Variants in ZNF560 observed in about 807,000 individuals in gnomAD.
ZNF560 encodes zinc finger protein 560.
A neutral mutation model predicts 81.8 loss-of-function variants in ZNF560; 54 were observed. The observed-to-expected ratio is 0.66, with a 90% CI of 0.53 to 0.83. The LOEUF is 0.83. Ranked by LOEUF, ZNF560 falls within the 40% of genes least tolerant of loss-of-function variation. The pLI is 0.00. For missense variants in ZNF560, 940 were observed against 932.4 expected, an observed-to-expected ratio of 1.01 and a Z score of -0.11; for synonymous variants, 321 against 317.9, an observed-to-expected ratio of 1.01 and a Z score of -0.10.
chr19:9,493,661 T>G (rs552622831), intron 2 of ZNF560, among the ~76,000 whole-genome samples: 2 of 152,006 alleles, frequency 1.3e-5, no homozygotes, highest in Admixed American at 6.6e-5. Context: ...CAGCCCCAGG[T>G]TTTCTCTTTG....
At chr19:9,502,505 C>T (rs939281573), upstream of ZNF560, among the ~76,000 whole-genome samples, 5 of 152,112 alleles carry the variant, frequency 3.3e-5, no homozygotes, top group Admixed American at 6.5e-5. Flanking sequence ...CCACAACACC[C>T]GGCCTCCTGT....
At position 9,467,918 on chromosome 19, in the gene ZNF560, A is replaced by C. The variant is rs533646475; in HGVS notation, c.1029T>G (p.Ile343Met). 1.2e-6 allele frequency: 2 copies of C among 1,614,162 alleles called. No homozygotes were observed. Among genetic ancestry groups the C allele is most frequent in the Admixed American group, 3.3e-5 (2 of 60,020 alleles). Residue 343 changes from isoleucine (I) to methionine (M), a missense_variant, in exon 10 of 10, where the codon ATT becomes ATG. Physicochemically the swap from Ile to Met is conservative, Grantham distance 10. Coordinates refer to ENST00000301480, the MANE Select transcript of ZNF560 (RefSeq NM_152476.3). ...TSHAVNVETH[I>M]IKNPYECKEC... ...CCTTACATTCATAGGGGTTTTTAAT[A>C]ATGTGTGTTTCAACATTTACAGCAT...
chr19:9,504,409 TG>T, the ZNF560 span, among the ~76,000 whole-genome samples: 2 of 152,058 alleles, frequency 1.3e-5, no homozygotes. Context: ...CCCTCCAGCC[TG>T]GGCAACAGAA....
upstream of ZNF560, among the ~76,000 whole-genome samples, chr19:9,501,073 T>C (rs1226294313): frequency 6.6e-6 from 1 of 152,098 alleles, no homozygotes; most frequent in South Asian, 2.1e-4. Context: ...TTTAATGTGC[T>C]GTTGGATATG....
In ZNF560 at chr19:9,467,628, G is replaced by A. The variant is rs1396171018; in HGVS notation, c.1319C>T (p.Ala440Val). Residue 440 changes from alanine to valine, a missense_variant, in exon 10 of 10, where the codon GCC (alanine) becomes GTC (valine). Transcript: ENST00000301480. The stretch of plus-strand genomic sequence containing the variant: ...AAAAAGAGATGGGTAAGAAATAAAG[G>A]CTTTCCCACAGTGGTCACATTTAAA... Reference protein sequence around the residue: ...KTFKCDHCGKAFISYPSLFGH... With the variant: ...KTFKCDHCGKVFISYPSLFGH... The A allele has an allele frequency of 1.2e-6, 2 of 1,614,062 alleles. No individual in the cohort carries two copies. The highest frequency in any genetic ancestry group is 2.2e-5 in the East Asian group (1 of 44,882).
intron 2 of ZNF560, among the ~76,000 whole-genome samples, chr19:9,481,638 G>A (rs977296798): frequency 7.2e-5 from 11 of 152,176 alleles, no homozygotes; most frequent in African/African-American, 2.7e-4. Flanking sequence ...CTTTTCAAAA[G>A]AAGATATGTA....
At chr19:9,496,054 A>G (rs995117223) in intron 2 of ZNF560, among the ~76,000 whole-genome samples, 3 of 152,236 alleles carry the variant, frequency 2.0e-5, no homozygotes, top group Non-Finnish European at 2.9e-5. Flanking sequence ...CCTCTGACCT[A>G]AAGTCCAATA....
Position 9,469,661 on chromosome 19 carries a change from T to C in ZNF560, c.498A>G (p.Glu166=). Residue 166 remains glutamate, a synonymous_variant, in exon 8 of 10, where the codon GAA becomes GAG. Coordinates refer to ENST00000301480, the MANE Select transcript of ZNF560 (RefSeq NM_152476.3). ...GAACTCTTGGCAGTGTGCTCAACTC[T>C]TCCTCTTCCTCCAGCCAAGAGATCA... is the stretch of plus-strand genomic sequence containing the variant. ...PSLISWLEEE[E]ELSTLPRVLQ... 1.9e-6 allele frequency: 3 copies of C among 1,614,116 alleles called. No individual in the cohort carries two copies. Among genetic ancestry groups the C allele is most frequent in the Middle Eastern group, 1.6e-4 (1 of 6,062 alleles).
Position 9,467,455 on chromosome 19 carries a change from CAAAG to C in ZNF560, c.1488_1491del (p.Val498LeufsTer9). 6.2e-7 allele frequency: 1 copy of C among 1,613,896 alleles called. No homozygotes were observed. The highest frequency in any genetic ancestry group is 8.5e-7 in the Non-Finnish European group (1 of 1,179,944). On this transcript the variant is annotated frameshift_variant, in exon 10 of 10. Transcript: ENST00000301480. LOFTEE classifies it high-confidence loss of function. The stretch of plus-strand genomic sequence containing the variant: ...TGAGCAAAAAGAGATGAGAAAGAAA[CAAAG>C]ACTTTCCCACACTGGTCACAATCAA...
the ZNF560 span, among the ~76,000 whole-genome samples, chr19:9,453,002 A>C: frequency 1.1e-4 from 16 of 152,228 alleles, no homozygotes; most frequent in African/African-American, 3.9e-4. Context: ...TCTTCCCCGC[A>C]CAATGTTCAT....
At position 9,467,236 on chromosome 19, in the gene ZNF560, G is replaced by C; in HGVS notation, c.1711C>G (p.Pro571Ala). 2 of 1,614,014 alleles carry C rather than the reference G, an allele frequency of 1.2e-6. No homozygotes were observed. The highest frequency in any genetic ancestry group is 1.7e-6 in the Non-Finnish European group (2 of 1,180,002). The change falls in exon 10 of 10, where the codon CCC becomes GCC. Residue 571 changes from proline (P) to alanine (A), a missense_variant. Coordinates refer to ENST00000301480, the MANE Select transcript of ZNF560 (RefSeq NM_152476.3). Reference protein sequence around the residue: ...KHLRTHAGEKPYECMKCGKAF... With the variant: ...KHLRTHAGEKAYECMKCGKAF... ...TTCCCACATTTCATACATTCATAGG[G>C]TTTCTCTCCAGCGTGTGTTCGTAAA...
the ZNF560 span, among the ~76,000 whole-genome samples, chr19:9,456,423 G>T: frequency 6.6e-6 from 1 of 152,160 alleles, no homozygotes; most frequent in Non-Finnish European, 1.5e-5. Context: ...AGCGTATAGG[G>T]CAGCTTCTGA....
At chr19:9,459,516 A>G in the ZNF560 span, among the ~76,000 whole-genome samples, 1,132 of 152,276 alleles carry the variant, frequency 7.4e-3, 9 homozygotes, top group Non-Finnish European at 0.01. Context: ...ACACTAGGCC[A>G]TGGGGGCTAC....
rs767301877 is a variant in ZNF560 at position 9,466,877 on chromosome 19, T to C, written c.2070A>G (p.Gly690=). The C allele has an allele frequency of 2.5e-6, 4 of 1,613,970 alleles. No homozygotes were observed. The highest frequency in any genetic ancestry group is 3.4e-6 in the Non-Finnish European group (4 of 1,180,040). Residue 690 remains glycine, a synonymous_variant, in exon 10 of 10, where the codon GGA becomes GGG. Coordinates refer to ENST00000301480, the MANE Select transcript of ZNF560 (RefSeq NM_152476.3). ...AEKTSECNAC[G]NSFRNSMCFH... is the part of the protein sequence containing the mutation. Reference sequence around the variant, plus strand: ...AGCACATGGAATTTCGAAAGGAATTTCCACATGCGTTACATTCAGAGGTCT... The same window carrying C: ...AGCACATGGAATTTCGAAAGGAATTCCCACATGCGTTACATTCAGAGGTCT...
At chr19:9,474,608 A>G (rs2073171381) in intron 3 of ZNF560, among the ~76,000 whole-genome samples, 1 of 152,076 alleles carries the variant, frequency 6.6e-6, no homozygotes, top group African/African-American at 2.4e-5. Context: ...CCTCTACTAA[A>G]AGATATCCCA....
chr19:9,464,156 T>C (rs1352341995), downstream of ZNF560, among the ~76,000 whole-genome samples: 1 of 152,192 alleles, frequency 6.6e-6, no homozygotes. Context: ...CTTGTGCGTG[T>C]GTGTGTATTC....
intron 2 of ZNF560, among the ~76,000 whole-genome samples, chr19:9,478,666 G>A (rs146824477): frequency 6.6e-6 from 1 of 152,082 alleles, no homozygotes; most frequent in Non-Finnish European, 1.5e-5. Context: ...TTGAGTTAAA[G>A]TATAGTTATT....
chr19:9,472,214 T>C (rs2073133765), intron 5 of ZNF560, among the ~76,000 whole-genome samples: 1 of 152,080 alleles, frequency 6.6e-6, no homozygotes, highest in Non-Finnish European at 1.5e-5. Flanking sequence ...AGGTGGGGCC[T>C]GGTGGGAGAT....
intron 3 of ZNF560, among the ~76,000 whole-genome samples, chr19:9,474,961 C>T (rs1210695087): frequency 1.3e-5 from 2 of 151,676 alleles, no homozygotes; most frequent in East Asian, 3.9e-4. Flanking sequence ...GTGTGAGCCA[C>T]TGCACCTGGC....
Sources: gnomAD v4.1 joint callset for allele counts (sites outside exome capture counted in the v4.1 genomes callset) on GRCh38, gnomAD v4.1.1 for gene constraint, MANE v1.5 for transcripts, NCBI Gene and HGNC (gene_info 2026-07-23, HGNC 2026-07-21) for gene names.